Variants in ARSF observed in about 807,000 individuals in gnomAD.
ARSF encodes arylsulfatase F.
In ARSF, 33 loss-of-function variants were observed where a neutral mutation model predicts 35.4. The observed-to-expected ratio is 0.93, with a 90% CI of 0.71 to 1.25. ARSF has a LOEUF of 1.25. Ranked by LOEUF, ARSF falls within the 50% of genes most tolerant of loss-of-function variation. The pLI, the probability that ARSF is intolerant of heterozygous loss-of-function variation, is 0.00. For missense variants in ARSF, 501 were observed against 480.2 expected, an observed-to-expected ratio of 1.04 and a Z score of -0.40; for synonymous variants, 222 against 193.1, an observed-to-expected ratio of 1.15 and a Z score of -1.24.
At chrX:3,071,115 G>A (rs1569135803) in intron 2 of ARSF, among the ~76,000 whole-genome samples, 1 of 111,207 alleles carries the variant, frequency 9.0e-6, no homozygotes, top group East Asian at 2.8e-4. Context: ...CTGAATGGCA[G>A]CAGAAGTGCC....
rs144349452 is a variant in ARSF at position 3,072,031 on chromosome X, C to G, written c.17C>G (p.Pro6Arg). The change falls in exon 3 of 11, where the codon CCC becomes CGC. Residue 6 changes from proline to arginine, a missense_variant. Pro to Arg is a moderately radical substitution (Grantham distance 103). Coordinates refer to ENST00000381127, the MANE Select transcript of ARSF (RefSeq NM_001201539.2). MRPRRPLVFMSLVCAL... is the reference protein window; with the variant it reads MRPRRRLVFMSLVCAL... ...AATCCCTGCTTGCTTTCCAGGAGAC[C>G]CTTGGTCTTCATGTCTTTGGTGTGT... is the stretch of plus-strand genomic sequence containing the variant. 1.7e-6 allele frequency: 2 copies of G among 1,200,683 alleles called. No individual in the cohort carries two copies. Among genetic ancestry groups the G allele is most frequent in the African/African-American group, 1.9e-5 (1 of 53,667 alleles).
intron 9 of ARSF, among the ~76,000 whole-genome samples, chrX:3,105,940 T>C (rs2090408578): frequency 8.9e-6 from 1 of 111,791 alleles, no homozygotes; most frequent in Non-Finnish European, 1.9e-5. Context: ...AGGCACAATA[T>C]TGTTACGTTG....
intron 5 of ARSF, among the ~76,000 whole-genome samples, chrX:3,082,691 A>G (rs933377008): frequency 9.9e-5 from 11 of 111,482 alleles, no homozygotes; most frequent in Admixed American, 3.8e-4. Context: ...AATATGCTCC[A>G]TCTGTCCTCC....
intron 6 of ARSF, among the ~76,000 whole-genome samples, chrX:3,088,501 CAGAGAA>C (rs1417583306): frequency 1.8e-5 from 2 of 110,676 alleles, no homozygotes; most frequent in Non-Finnish European, 3.8e-5. Context: ...GGGTTTATGG[CAGAGAA>C]AGGTTTAATA....
rs1216974282 is a variant in ARSF at position 3,052,748 on chromosome X, A to G, written c.-29+11085A>G. The stretch of plus-strand genomic sequence containing the variant: ...GTCAAAATAAAACAGTATAAAACCT[A>G]TCTCCCTGATTGCAGCTACCTTTTT... On this transcript the variant is annotated intron_variant, in intron 1 of 10. Transcript: ENST00000381127. Among the ~76,000 whole-genome samples the G allele has an allele frequency of 1.8e-5, 2 of 110,164 alleles. 1 individual carries two copies. The highest frequency in any genetic ancestry group is 6.6e-5 in the African/African-American group (2 of 30,321).
chrX:3,062,501 C>A (rs1191585790), intron 1 of ARSF, among the ~76,000 whole-genome samples: 1 of 111,182 alleles, frequency 9.0e-6, no homozygotes, highest in Non-Finnish European at 1.9e-5. Context: ...TCAAAAAAAT[C>A]AATGAATCCA....
Position 3,099,003 on chromosome X carries a change from T to C in ARSF, c.968-2084T>C, listed in dbSNP as rs192477920. On this transcript the variant is annotated intron_variant, in intron 7 of 10. Coordinates refer to ENST00000381127, the MANE Select transcript of ARSF (RefSeq NM_001201539.2). ...CCAATTGTTAGCAATTTATCAAATA[T>C]ATCTTCTCTCGCCCCTCTTCCTTTC... Among the ~76,000 whole-genome samples, 3 of 110,676 alleles carry C rather than the reference T, an allele frequency of 2.7e-5. No homozygotes were observed. The East Asian group carries it at 8.5e-4, about 31-fold the overall frequency.
At chrX:3,067,964 A>C in intron 1 of ARSF, 109 bp from the exon 2 acceptor site, 1 of 523,589 alleles carries the variant, frequency 1.9e-6, no homozygotes, top group African/African-American at 2.4e-5. Context: ...GATATGGCTC[A>C]CAAGTCTAGT....
chrX:3,063,081 C>T (rs2090048856), intron 1 of ARSF, among the ~76,000 whole-genome samples: 1 of 111,947 alleles, frequency 8.9e-6, no homozygotes, highest in Admixed American at 9.5e-5. Context: ...CCAAATCCAG[C>T]AGCACATCGA....
chrX:3,081,230 C>A (rs1052782921), intron 5 of ARSF, among the ~76,000 whole-genome samples: 2 of 111,813 alleles, frequency 1.8e-5, no homozygotes, highest in African/African-American at 6.5e-5. Flanking sequence ...ATAGAAAGAC[C>A]CCGTCTCTAA....
intron 7 of ARSF, among the ~76,000 whole-genome samples, chrX:3,090,383 G>T (rs187195348): frequency 8.9e-6 from 1 of 111,774 alleles, no homozygotes; most frequent in Non-Finnish European, 1.9e-5. Flanking sequence ...TTTAACAAAA[G>T]TCCAGCTGAG....
chrX:3,068,344 G>A (rs2090080806), intron 2 of ARSF, among the ~76,000 whole-genome samples: 1 of 111,792 alleles, frequency 8.9e-6, no homozygotes, highest in South Asian at 3.7e-4. Flanking sequence ...TTTTAAAAAG[G>A]TAGGAGTTAG....
At chrX:3,048,219 C>G (rs751300222) in intron 1 of ARSF, among the ~76,000 whole-genome samples, 2 of 112,020 alleles carry the variant, frequency 1.8e-5, no homozygotes, top group Non-Finnish European at 3.8e-5. Flanking sequence ...CTCAGGACCC[C>G]AAAATCACTA....
At chrX:3,106,801 C>T (rs1402703222) in intron 9 of ARSF, among the ~76,000 whole-genome samples, 1 of 111,350 alleles carries the variant, frequency 9.0e-6, no homozygotes, top group African/African-American at 3.3e-5. Context: ...TGTGTAGAAA[C>T]ACGGGAATCT....
At chrX:3,110,375 T>C (rs1189216004) in intron 10 of ARSF, 123 bp downstream of exon 10, 4 of 793,268 alleles carry the variant, frequency 5.0e-6, no homozygotes, top group Non-Finnish European at 6.6e-6. Flanking sequence ...ACTGAACACA[T>C]GGTTTTGGAG....
At chrX:3,048,306 A>G (rs954170129) in intron 1 of ARSF, among the ~76,000 whole-genome samples, 9 of 112,437 alleles carry the variant, frequency 8.0e-5, no homozygotes, top group Non-Finnish European at 1.5e-4. Context: ...AGACAGCTAC[A>G]AAGATAAGAA....
chrX:3,084,927 G>A (rs928265940), intron 6 of ARSF, among the ~76,000 whole-genome samples: 1 of 111,559 alleles, frequency 9.0e-6, no homozygotes, highest in East Asian at 2.8e-4. Context: ...AAATTGTAAC[G>A]TGTACTCTTA....
intron 4 of ARSF, 53 bp downstream of exon 4, chrX:3,076,722 G>T (rs916236898): frequency 1.7e-6 from 2 of 1,181,022 alleles, no homozygotes; most frequent in African/African-American, 3.5e-5. Context: ...AGGATGTGAG[G>T]AAACAAAAAT....
At chrX:3,061,079 G>A (rs1385562632) in intron 1 of ARSF, among the ~76,000 whole-genome samples, 2 of 111,911 alleles carry the variant, frequency 1.8e-5, no homozygotes, top group Non-Finnish European at 3.8e-5. Flanking sequence ...ACAAAGGGAA[G>A]CCCATCAGAC....
Sources: allele counts gnomAD v4.1 joint callset (sites outside exome capture counted in the v4.1 genomes callset), GRCh38; gene constraint gnomAD v4.1.1; transcripts MANE v1.5; gene names NCBI Gene and HGNC (gene_info 2026-07-23, HGNC 2026-07-21).